Variants in AHI1 observed in about 807,000 individuals in gnomAD.
The protein encoded by AHI1 is Abelson helper integration site 1, also known as jouberin.
Under a neutral mutation model 149.3 loss-of-function variants are expected in AHI1, and 123 were observed. The ratio of observed to expected loss-of-function variants is 0.82; its 90% CI spans 0.71 to 0.96. AHI1 has a LOEUF of 0.96. Among genes scored for constraint, AHI1 ranks in the 40% least tolerant of loss-of-function variants. AHI1 has a pLI of 0.00. For missense variants in AHI1, 1,439 were observed against 1,422.7 expected, an observed-to-expected ratio of 1.01 and a Z score of -0.18; for synonymous variants, 475 against 459.8, an observed-to-expected ratio of 1.03 and a Z score of -0.42.
intron 26 of AHI1, chr6:135,301,286 A>G (rs1783851983): frequency 1.0e-6 from 1 of 979,236 alleles, no homozygotes; most frequent in Non-Finnish European, 1.2e-6. Flanking sequence ...AAGAAAATAT[A>G]AATTGTTACT....
chr6:135,481,705 C>CT (rs147878972), intron 5 of AHI1, among the ~76,000 whole-genome samples: 44,070 of 139,566 alleles, frequency 0.32, 6,736 homozygotes, highest in South Asian at 0.38. Flanking sequence ...TATTGTTGTC[C>CT]TTTTTTTTTT....
At chr6:135,352,887 T>A (rs74485280) in intron 24 of AHI1, among the ~76,000 whole-genome samples, 61 of 151,376 alleles carry the variant, frequency 4.0e-4, no homozygotes, top group African/African-American at 1.5e-3. Flanking sequence ...GGTACTATCC[T>A]ATGTATATTG....
At chr6:135,373,891 G>A (rs1582888099) in intron 23 of AHI1, among the ~76,000 whole-genome samples, 1 of 151,822 alleles carries the variant, frequency 6.6e-6, no homozygotes, top group East Asian at 1.9e-4. Context: ...CATCTTAAGA[G>A]TTACTTGTTT....
In AHI1 at chr6:135,463,114, G is replaced by A; in HGVS notation, c.931+11C>T. 3 of 1,557,654 alleles carry A rather than the reference G, an allele frequency of 1.9e-6. No homozygotes were observed. The highest frequency in any genetic ancestry group is 2.6e-6 in the Non-Finnish European group (3 of 1,153,312). ...ACATACACAATTTTTCATTTAATTT[G>A]TATAGCAAACCTGCTTTAGTCTTCT... is the stretch of plus-strand genomic sequence containing the variant. On this transcript the variant is annotated intron_variant, in intron 8 of 28. Transcript: ENST00000265602.
chr6:135,416,424 G>A (rs913185889), intron 20 of AHI1, among the ~76,000 whole-genome samples: 6 of 151,746 alleles, frequency 4.0e-5, no homozygotes, highest in African/African-American at 1.5e-4. Context: ...ATTTCCTGAG[G>A]AATGTAAGGG....
chr6:135,352,712 T>TATATATATAC (rs1554289086), intron 24 of AHI1, among the ~76,000 whole-genome samples: 1 of 145,492 alleles, frequency 6.9e-6, no homozygotes, highest in African/African-American at 2.6e-5. Context: ...TATATATATA[T>TATATATATAC]ACACACACAC....
At chr6:135,349,800 G>A (rs1005913183) in intron 24 of AHI1, among the ~76,000 whole-genome samples, 6 of 152,190 alleles carry the variant, frequency 3.9e-5, no homozygotes, top group African/African-American at 1.4e-4. Flanking sequence ...CCCAAAAGTT[G>A]ACTTTAAGAT....
chr6:135,475,128 T>C (rs973185314), intron 5 of AHI1, among the ~76,000 whole-genome samples: 1 of 152,208 alleles, frequency 6.6e-6, no homozygotes, highest in African/African-American at 2.4e-5. Flanking sequence ...TTGAGTGAGC[T>C]TCAGTAGTTT....
At chr6:135,357,161 T>A (rs895531466) in intron 24 of AHI1, among the ~76,000 whole-genome samples, 4 of 152,194 alleles carry the variant, frequency 2.6e-5, no homozygotes, top group African/African-American at 4.8e-5. Flanking sequence ...ATGGTCTCAA[T>A]CTCCTGACCT....
At chr6:135,440,323 A>G (rs1449078320) in intron 14 of AHI1, among the ~76,000 whole-genome samples, 1 of 152,180 alleles carries the variant, frequency 6.6e-6, no homozygotes, top group Non-Finnish European at 1.5e-5. Flanking sequence ...ATCATTTAAT[A>G]TCACAGCTGC....
intron 14 of AHI1, among the ~76,000 whole-genome samples, chr6:135,439,854 A>C (rs1262427789): frequency 3.3e-5 from 5 of 152,178 alleles, no homozygotes; most frequent in African/African-American, 1.2e-4. Context: ...ACCCTATGGA[A>C]AAAGAGGGAC....
intron 24 of AHI1, among the ~76,000 whole-genome samples, chr6:135,347,960 T>C (rs1791486863): frequency 6.6e-6 from 1 of 152,182 alleles, no homozygotes; most frequent in Non-Finnish European, 1.5e-5. Flanking sequence ...TAAGAAGGGT[T>C]TTTTCCCCCT....
chr6:135,461,166 T>C (rs2128088625), intron 8 of AHI1, among the ~76,000 whole-genome samples: 1 of 152,140 alleles, frequency 6.6e-6, no homozygotes, highest in South Asian at 2.1e-4. Context: ...GGTAGGTATT[T>C]ATATCTGAGA....
chr6:135,408,322 A>G (rs928660355), intron 21 of AHI1, among the ~76,000 whole-genome samples: 3 of 152,110 alleles, frequency 2.0e-5, no homozygotes, highest in Admixed American at 6.5e-5. Context: ...TTCCTAGTGA[A>G]GAAATATGTT....
intron 24 of AHI1, among the ~76,000 whole-genome samples, chr6:135,346,586 G>C (rs1009450338): frequency 1.3e-5 from 2 of 152,114 alleles, no homozygotes; most frequent in Non-Finnish European, 2.9e-5. Flanking sequence ...TAGTAAAAGA[G>C]AAAGAAAAGA....
chr6:135,407,258 T>C (rs562792833), intron 21 of AHI1, among the ~76,000 whole-genome samples: 1 of 152,154 alleles, frequency 6.6e-6, no homozygotes, highest in East Asian at 1.9e-4. Flanking sequence ...AGAAAAACAT[T>C]CCTATTGTAA....
chr6:135,456,247 T>C (rs1448129492), intron 9 of AHI1, among the ~76,000 whole-genome samples: 1 of 152,158 alleles, frequency 6.6e-6, no homozygotes, highest in East Asian at 1.9e-4. Context: ...GAGTTTATAA[T>C]AAAATAGACA....
chr6:135,496,463 C>T lies in AHI1; in HGVS notation c.-139-565G>A, dbSNP rs753375445. Among the ~76,000 whole-genome samples, 3 of 152,266 alleles carry T rather than the reference C, an allele frequency of 2.0e-5. No homozygotes were observed. The South Asian group carries it at 6.2e-4, about 32-fold the overall frequency. On this transcript the variant is annotated intron_variant, in intron 2 of 28. Transcript: ENST00000265602. ...ACTACAGCAAACATGATAGAATTAACGGCTAATATTTGATTAGTAACCTCT... is the reference window on the plus strand; with the variant it reads ...ACTACAGCAAACATGATAGAATTAATGGCTAATATTTGATTAGTAACCTCT...
At chr6:135,403,423 G>T (rs886419783) in intron 22 of AHI1, among the ~76,000 whole-genome samples, 2 of 152,064 alleles carry the variant, frequency 1.3e-5, no homozygotes, top group Non-Finnish European at 2.9e-5. Flanking sequence ...TTTTCAATGA[G>T]TATTTATTCT....
Sources: allele counts gnomAD v4.1 joint callset (sites outside exome capture counted in the v4.1 genomes callset), GRCh38; gene constraint gnomAD v4.1.1; transcripts MANE v1.5; gene names NCBI Gene and HGNC (gene_info 2026-07-23, HGNC 2026-07-21).